DAPK1: variants seen among roughly 807,000 people sequenced by gnomAD.
DAPK1 encodes death associated protein kinase 1, also known as death-associated protein kinase 1.
In DAPK1, 56 loss-of-function variants were observed where a neutral mutation model predicts 144.9. The ratio of observed to expected loss-of-function variants is 0.39; its 90% CI spans 0.31 to 0.48. The LOEUF is 0.48. Among genes scored for constraint, DAPK1 ranks in the 20% least tolerant of loss-of-function variants. The pLI is 0.95. For missense variants in DAPK1, 1,454 were observed against 1,875.4 expected (o/e 0.78, Z 4.15); for synonymous variants, 690 against 749.0 (o/e 0.92, Z 1.29).
rs767875085 is a variant in DAPK1, at chr9:87,668,546, A to C, written c.1924-51A>C. On this transcript the variant is annotated intron_variant, in intron 18 of 25. Coordinates refer to ENST00000408954, the MANE Select transcript of DAPK1 (RefSeq NM_004938.4). ...CCCACGGAATTGGCGTATGGAACAC[A>C]CACAGCTCTCCTTTTCAGAGAAAAG... The C allele has an allele frequency of 2.2e-4, 201 of 923,660 alleles. 3 individuals carry two copies. The highest frequency in any genetic ancestry group is 2.2e-5 in the Non-Finnish European group (12 of 548,586). The allele number at this position is 923,660 out of a possible 1,614,324, so 57.2% of individuals were successfully genotyped here.
intron 20 of DAPK1, among the ~76,000 whole-genome samples, chr9:87,682,505 G>T (rs1335918520): frequency 6.6e-6 from 1 of 152,208 alleles, no homozygotes; most frequent in Non-Finnish European, 1.5e-5. Flanking sequence ...GCTAAAGTTT[G>T]TGTTTCTCTT....
intron 3 of DAPK1, among the ~76,000 whole-genome samples, chr9:87,613,283 G>A (rs546521262): frequency 4.2e-4 from 64 of 152,270 alleles, no homozygotes; most frequent in Middle Eastern, 3.4e-3. Flanking sequence ...TTAATTCTAT[G>A]CATATTGTTG....
intron 18 of DAPK1, among the ~76,000 whole-genome samples, chr9:87,659,044 A>G (rs913204862): frequency 1.3e-5 from 2 of 152,238 alleles, no homozygotes; most frequent in Non-Finnish European, 2.9e-5. Flanking sequence ...CTTCCACGCC[A>G]GGTGTCAGAG....
intron 3 of DAPK1, among the ~76,000 whole-genome samples, chr9:87,628,819 C>T (rs1009653751): frequency 2.6e-5 from 4 of 152,190 alleles, no homozygotes; most frequent in African/African-American, 9.7e-5. Context: ...TTTTTCTGAC[C>T]TGAATTAAAA....
chr9:87,605,788 G>A (rs529513835), intron 3 of DAPK1, among the ~76,000 whole-genome samples: 28 of 152,268 alleles, frequency 1.8e-4, no homozygotes, highest in Non-Finnish European at 3.5e-4. Flanking sequence ...ATTCTGTGGC[G>A]TTTCTCATCT....
chr9:87,664,826 C>T (rs1830993291), intron 18 of DAPK1, among the ~76,000 whole-genome samples: 1 of 152,194 alleles, frequency 6.6e-6, no homozygotes, highest in African/African-American at 2.4e-5. Flanking sequence ...TGGGGGCTTC[C>T]CCAAGGATCT....
At chr9:87,602,325 T>C (rs1828553340) in intron 2 of DAPK1, among the ~76,000 whole-genome samples, 2 of 152,098 alleles carry the variant, frequency 1.3e-5, no homozygotes, top group South Asian at 4.2e-4. Flanking sequence ...GCCAGCACTT[T>C]TCGTATGGGG....
intron 6 of DAPK1, 25 bp from the exon 7 acceptor site, chr9:87,639,764 T>C: frequency 6.2e-7 from 1 of 1,613,496 alleles, no homozygotes; most frequent in Non-Finnish European, 8.5e-7. Flanking sequence ...GACATGTTTT[T>C]TTGTTTGTTT....
At chr9:87,518,054 C>T (rs1195245105) in intron 2 of DAPK1, among the ~76,000 whole-genome samples, 3 of 150,600 alleles carry the variant, frequency 2.0e-5, no homozygotes, top group Admixed American at 6.6e-5. Flanking sequence ...GCTGAACCTG[C>T]GTTTTTACAG....
intron 2 of DAPK1, among the ~76,000 whole-genome samples, chr9:87,571,500 C>CACACACACACACACACACACACCCCA (rs1827353793): frequency 6.6e-5 from 9 of 135,648 alleles, no homozygotes; most frequent in African/African-American, 2.6e-4. Flanking sequence ...CACACCCCAA[C>CACACACACACACACACACACACCCCA]ACACACACAC....
intron 3 of DAPK1, among the ~76,000 whole-genome samples, chr9:87,609,919 A>G (rs1395834798): frequency 1.3e-5 from 2 of 152,218 alleles, no homozygotes; most frequent in Non-Finnish European, 2.9e-5. Flanking sequence ...TCTACCTTAT[A>G]TATGTGAGTT....
chr9:87,680,833 TG>T (rs1432196229), intron 19 of DAPK1, among the ~76,000 whole-genome samples: 1 of 152,120 alleles, frequency 6.6e-6, no homozygotes, highest in East Asian at 1.9e-4. Flanking sequence ...AGCTTCCTTT[TG>T]GGGGTGACAC....
intron 3 of DAPK1, among the ~76,000 whole-genome samples, chr9:87,608,516 G>A (rs1486486456): frequency 6.6e-6 from 1 of 152,172 alleles, no homozygotes; most frequent in African/African-American, 2.4e-5. Flanking sequence ...GCTGGATCGT[G>A]TAGTAAATGT....
chr9:87,532,001 G>T (rs1409102903), intron 2 of DAPK1, among the ~76,000 whole-genome samples: 1 of 152,166 alleles, frequency 6.6e-6, no homozygotes, highest in Non-Finnish European at 1.5e-5. Flanking sequence ...TAACAAACAC[G>T]TTCCTGAACA....
intron 2 of DAPK1, among the ~76,000 whole-genome samples, chr9:87,563,927 C>T (rs984073383): frequency 1.3e-5 from 2 of 152,210 alleles, no homozygotes; most frequent in Non-Finnish European, 1.5e-5. Flanking sequence ...TGCTCATGCC[C>T]TCTGTGACAG....
intron 2 of DAPK1, among the ~76,000 whole-genome samples, chr9:87,600,129 C>A (rs777942293): frequency 6.6e-6 from 1 of 152,112 alleles, no homozygotes; most frequent in Non-Finnish European, 1.5e-5. Context: ...AGAGCACACT[C>A]GATTATGGTG....
rs183063908 is a variant in DAPK1, at chr9:87,557,345, G to C, written c.63-47609G>C. 2.7e-3 allele frequency among the ~76,000 whole-genome samples: 414 copies of C among 152,270 alleles called. 4 individuals are homozygous for C. The highest frequency in any genetic ancestry group is 9.7e-3 in the African/African-American group (405 of 41,546). ...ACCCTTTGTCCTGTACCTTCCTGTC[G>C]TGTTCTTTCTACGTTTCACCCACTG... is the stretch of plus-strand genomic sequence containing the variant. On this transcript the variant is annotated intron_variant, in intron 2 of 25. Transcript: ENST00000408954.
intron 3 of DAPK1, among the ~76,000 whole-genome samples, chr9:87,607,316 C>T (rs1428550853): frequency 1.3e-5 from 2 of 152,102 alleles, no homozygotes; most frequent in South Asian, 2.1e-4. Flanking sequence ...TAAGACAGTG[C>T]ATACAAAGTG....
intron 2 of DAPK1, among the ~76,000 whole-genome samples, chr9:87,547,601 G>A (rs1170507225): frequency 6.6e-6 from 1 of 151,914 alleles, no homozygotes; most frequent in South Asian, 2.1e-4. Flanking sequence ...GTGTGTGTGT[G>A]TGTGCGTGTG....
Sources: gnomAD v4.1 joint callset for allele counts (sites outside exome capture counted in the v4.1 genomes callset) on GRCh38, gnomAD v4.1.1 for gene constraint, MANE v1.5 for transcripts, NCBI Gene and HGNC (gene_info 2026-07-23, HGNC 2026-07-21) for gene names.